The following AJAP1 variants were observed in gnomAD, a reference collection of about 807,000 sequenced individuals.
The protein encoded by AJAP1 is adherens junction-associated protein 1.
AJAP1 carries 5 observed loss-of-function variants against 35.0 expected under a neutral mutation model. The ratio of observed to expected loss-of-function variants is 0.14; its 90% confidence interval spans 0.07 to 0.30. AJAP1 has a LOEUF of 0.30. Among genes scored for constraint, AJAP1 ranks in the 10% least tolerant of loss-of-function variants. The pLI is 1.00. For synonymous variants in AJAP1, 284 were observed against 249.3 expected (o/e 1.14, Z -1.31); for missense variants, 586 against 571.0 (o/e 1.03, Z -0.27).
rs759795088 is a variant in AJAP1 at position 4,712,121 on chromosome 1, C to T, written c.251C>T (p.Pro84Leu). Residue 84 changes from proline (P) to leucine (L), a missense_variant, in exon 2 of 6, where the codon CCC becomes CTC. Transcript: ENST00000378191. Reference protein sequence around the residue: ...VPAPVWSPRPPRVERIHGQMQ... With the variant: ...VPAPVWSPRPLRVERIHGQMQ... Reference sequence around the variant, plus strand: ...GCCCCGGTGTGGAGCCCCCGGCCGCCCCGAGTGGAGCGGATCCACGGGCAG... The same window carrying T: ...GCCCCGGTGTGGAGCCCCCGGCCGCTCCGAGTGGAGCGGATCCACGGGCAG... 14 of 1,546,244 alleles carry T rather than the reference C, an allele frequency of 9.1e-6. No homozygotes were observed. Among genetic ancestry groups the T allele is most frequent in the African/African-American group, 1.4e-5 (1 of 71,828 alleles).
Position 4,712,031 on chromosome 1 carries a change from C to T in AJAP1, c.161C>T (p.Pro54Leu). 4 of 1,594,460 alleles carry T rather than the reference C, an allele frequency of 2.5e-6. No homozygotes were observed. Among genetic ancestry groups the T allele is most frequent in the East Asian group, 2.3e-5 (1 of 42,672 alleles). ...LGPGPEFWLL[P>L]RSPPRPPRLW... Reference sequence around the variant, plus strand: ...CCGGGGCCGGAGTTCTGGCTCCTGCCGCGGTCGCCGCCCCGGCCGCCCCGG... The same window carrying T: ...CCGGGGCCGGAGTTCTGGCTCCTGCTGCGGTCGCCGCCCCGGCCGCCCCGG... The change falls in exon 2 of 6, where the codon CCG (proline) becomes CTG (leucine). Residue 54 changes from proline to leucine, a missense_variant. Transcript: ENST00000378191.
chr1:4,733,637 G>A (rs1640852400), intron 2 of AJAP1, among the ~76,000 whole-genome samples: 1 of 151,764 alleles, frequency 6.6e-6, no homozygotes, highest in African/African-American at 2.4e-5. Context: ...GTGGAACACA[G>A]ATCCTGCTCC....
chr1:4,657,495 G>A (rs564005792), intron 1 of AJAP1, among the ~76,000 whole-genome samples: 20 of 152,214 alleles, frequency 1.3e-4, no homozygotes, highest in Non-Finnish European at 2.6e-4. Context: ...CTGAGCCAAA[G>A]GGTTGCAAGT....
chr1:4,691,733 C>T (rs565268522), intron 1 of AJAP1, among the ~76,000 whole-genome samples: 3 of 152,164 alleles, frequency 2.0e-5, no homozygotes, highest in South Asian at 4.1e-4. Flanking sequence ...GTAGGGCAGG[C>T]GCAAGTGGCA....
chr1:4,768,084 G>A (rs1641729865), intron 2 of AJAP1, among the ~76,000 whole-genome samples: 1 of 152,240 alleles, frequency 6.6e-6, no homozygotes, highest in African/African-American at 2.4e-5. Context: ...GAAGGGACTT[G>A]CCCAGAGGTT....
chr1:4,741,751 C>A (rs1641073227), intron 2 of AJAP1, among the ~76,000 whole-genome samples: 1 of 152,180 alleles, frequency 6.6e-6, no homozygotes, highest in Non-Finnish European at 1.5e-5. Flanking sequence ...TTTCTTGGAA[C>A]CAGGGCTCAT....
At chr1:4,762,018 A>G (rs1408072023) in intron 2 of AJAP1, among the ~76,000 whole-genome samples, 1 of 152,168 alleles carries the variant, frequency 6.6e-6, no homozygotes, top group Admixed American at 6.5e-5. Flanking sequence ...AATATTAACC[A>G]TCACAAGTCC....
Position 4,720,314 on chromosome 1 carries a change from G to A in AJAP1, c.829+7615G>A, listed in dbSNP as rs1570154087. Among the ~76,000 whole-genome samples the A allele has an allele frequency of 6.6e-6, 1 of 152,224 alleles. No homozygotes were observed. Among genetic ancestry groups the A allele is most frequent in the African/African-American group, 2.4e-5 (1 of 41,452 alleles). On this transcript the variant is annotated intron_variant, in intron 2 of 5. Transcript: ENST00000378191. The surrounding 1 kb of genome is among the most constrained non-coding windows in gnomAD (Gnocchi z 4.4). ...TCCGCCTTGCAGTCTGTGTAAGGAC[G>A]TGATGATGCAAAATAAAGGGAAAAA... is the stretch of plus-strand genomic sequence containing the variant.
intron 2 of AJAP1, among the ~76,000 whole-genome samples, chr1:4,768,667 A>G (rs1219591015): frequency 6.6e-6 from 1 of 152,218 alleles, no homozygotes; most frequent in African/African-American, 2.4e-5. Context: ...GAGACAGGAC[A>G]GTTGCTTGGA....
At chr1:4,765,846 C>T (rs760944303) in intron 2 of AJAP1, among the ~76,000 whole-genome samples, 2 of 152,130 alleles carry the variant, frequency 1.3e-5, no homozygotes, top group East Asian at 3.9e-4. Flanking sequence ...TGGACAAACC[C>T]AGCAGGGTGA....
Position 4,787,598 on chromosome 1 carries a change from G to GAGGGGC in AJAP1, c.*5129_*5134dup, listed in dbSNP as rs142529581. ...TGTCATTCCAGCAAGAGTGGAAGCA[G>GAGGGGC]AGGGGCAGGGGCAGGGGCAGGATGA... On this transcript the variant is annotated 3_prime_UTR_variant, in exon 6 of 6. Transcript: ENST00000378191. 3.0e-5 allele frequency: 13 copies of GAGGGGC among 435,250 alleles called. No individual in the cohort carries two copies. The highest frequency in any genetic ancestry group is 1.3e-4 in the South Asian group (8 of 61,198). 27.0% of individuals were successfully genotyped at this position (435,250 alleles called of 1,614,324 possible).
intron 2 of AJAP1, among the ~76,000 whole-genome samples, chr1:4,717,517 T>G (rs981903223): frequency 2.6e-5 from 4 of 152,232 alleles, no homozygotes; most frequent in African/African-American, 7.2e-5. Context: ...ATGAGATGGC[T>G]CAGATGTCTT....
At chr1:4,765,718 G>GCTCTTA (rs1641669055) in intron 2 of AJAP1, among the ~76,000 whole-genome samples, 1 of 152,140 alleles carries the variant, frequency 6.6e-6, no homozygotes, top group Non-Finnish European at 1.5e-5. Context: ...AGCCATCGAA[G>GCTCTTA]GAATCAAACT....
chr1:4,754,181 A>G (rs1302730260), intron 2 of AJAP1, among the ~76,000 whole-genome samples: 1 of 152,160 alleles, frequency 6.6e-6, no homozygotes, highest in Non-Finnish European at 1.5e-5. Context: ...TAAAAGGATA[A>G]CGGTTTGCAA....
In AJAP1 at chr1:4,692,973, T is replaced by C. The variant is rs930481738; in HGVS notation, c.30-18927T>C. ...GCTTTATTAGGTGGCTATCAAATAA[T>C]TGTATAAAAATAAGCAGTTAATATT... On this transcript the variant is annotated intron_variant, in intron 1 of 5. Transcript: ENST00000378191. The surrounding 1 kb of genome is among the most constrained non-coding windows in gnomAD (Gnocchi z 4.4). Among the ~76,000 whole-genome samples the C allele has an allele frequency of 3.9e-5, 6 of 152,236 alleles. No homozygotes were observed. Among genetic ancestry groups the C allele is most frequent in the African/African-American group, 1.2e-4 (5 of 41,456 alleles).
intron 2 of AJAP1, among the ~76,000 whole-genome samples, chr1:4,767,498 TATCACCATC>T: frequency 6.7e-6 from 1 of 149,990 alleles, no homozygotes; most frequent in East Asian, 2.0e-4. Context: ...TTACCATCAT[TATCACCATC>T]ATCACCATCA....
In AJAP1 at chr1:4,701,897, G is replaced by T. The variant is rs536807064; in HGVS notation, c.30-10003G>T. Reference sequence around the variant, plus strand: ...TGTGCCCCATGTCCCTCCCCACAGGGCACAGCCACCTTCACCTCCCTTCCC... The same window carrying T: ...TGTGCCCCATGTCCCTCCCCACAGGTCACAGCCACCTTCACCTCCCTTCCC... On this transcript the variant is annotated intron_variant, in intron 1 of 5. Transcript: ENST00000378191. Among the ~76,000 whole-genome samples the T allele has an allele frequency of 3.3e-5, 5 of 152,288 alleles. No individual in the cohort carries two copies. In the South Asian group the frequency reaches 1.0e-3, roughly 32 times the overall value.
chr1:4,677,906 CAT>C (rs776050756), intron 1 of AJAP1, among the ~76,000 whole-genome samples: 2 of 152,196 alleles, frequency 1.3e-5, no homozygotes, highest in Non-Finnish European at 2.9e-5. Context: ...TTTCGTAAAA[CAT>C]ATAAATATCA....
At chr1:4,731,137 A>G (rs938270294) in intron 2 of AJAP1, among the ~76,000 whole-genome samples, 1 of 152,032 alleles carries the variant, frequency 6.6e-6, no homozygotes, top group Admixed American at 6.6e-5. Context: ...CTAGAGTGCA[A>G]TGGCACAATC....
Sources: allele counts gnomAD v4.1 joint callset (sites outside exome capture counted in the v4.1 genomes callset), GRCh38; gene constraint gnomAD v4.1.1; non-coding constraint Gnocchi (gnomAD v3.1); transcripts MANE v1.5; gene names NCBI Gene and HGNC (gene_info 2026-07-23, HGNC 2026-07-21).